WDR37: variants seen among roughly 807,000 people sequenced by gnomAD.
WDR37 encodes WD repeat-containing protein 37.
Under a neutral mutation model 62.9 loss-of-function variants are expected in WDR37, and 19 were observed. The ratio of observed to expected loss-of-function variants is 0.30; its 90% CI spans 0.21 to 0.44. The LOEUF (loss-of-function observed/expected upper bound fraction) is 0.44. WDR37 is among the 20% of genes least tolerant of loss of function. The pLI, the probability that WDR37 is intolerant of heterozygous loss-of-function variation, is 1.00. For synonymous variants in WDR37, 250 were observed against 260.9 expected (o/e 0.96, Z 0.40); for missense variants, 474 against 657.6 (o/e 0.72, Z 3.05).
intron 1 of WDR37, among the ~76,000 whole-genome samples, chr10:1,069,385 ATATATTTT>A (rs1241177378): frequency 1.1e-4 from 3 of 28,460 alleles, no homozygotes; most frequent in East Asian, 1.1e-3. Flanking sequence ...ATATATATAT[ATATATTTT>A]TTTTTTTTTT....
intron 11 of WDR37, among the ~76,000 whole-genome samples, chr10:1,110,148 C>T (rs776150564): frequency 2.4e-4 from 36 of 152,148 alleles, no homozygotes; most frequent in Non-Finnish European, 7.4e-5. Context: ...CTCTCTTTGG[C>T]GCTAATTTTG....
At chr10:1,111,451 G>C (rs182001224) in intron 11 of WDR37, among the ~76,000 whole-genome samples, 1 of 152,172 alleles carries the variant, frequency 6.6e-6, no homozygotes, top group East Asian at 1.9e-4. Flanking sequence ...CTTTTTGAAA[G>C]ACTGGAGTTT....
intron 1 of WDR37, among the ~76,000 whole-genome samples, chr10:1,060,848 A>G (rs1016905329): frequency 6.6e-6 from 1 of 152,202 alleles, no homozygotes; most frequent in African/African-American, 2.4e-5. Flanking sequence ...ACAAATAGAT[A>G]CCATTGTGTT....
Position 1,069,389 on chromosome 10 carries a change from A to ATTTTTTTTTTTTTTTTT in WDR37, c.-40-2725_-40-2709dup, listed in dbSNP as rs377212232. On this transcript the variant is annotated intron_variant, in intron 1 of 13. Coordinates refer to ENST00000263150, the MANE Select transcript of WDR37 (RefSeq NM_014023.4). Reference sequence around the variant, plus strand: ...GGAAAGAATATATATATATATATATATTTTTTTTTTTTTTTTTTGCAGCAG... The same window carrying ATTTTTTTTTTTTTTTTT: ...GGAAAGAATATATATATATATATATATTTTTTTTTTTTTTTTTTTTTTTTTTTTTTTTTTTGCAGCAG... 4.5e-4 allele frequency among the ~76,000 whole-genome samples: 43 copies of ATTTTTTTTTTTTTTTTT among 95,772 alleles called. 3 individuals are homozygous for ATTTTTTTTTTTTTTTTT. The highest frequency in any genetic ancestry group is 5.7e-4 in the Non-Finnish European group (30 of 52,576). The allele number at this position is 95,772 out of a possible 152,430, so 62.8% of individuals were successfully genotyped here.
At chr10:1,104,501 C>T (rs1834939844) in intron 10 of WDR37, among the ~76,000 whole-genome samples, 1 of 152,262 alleles carries the variant, frequency 6.6e-6, no homozygotes, top group Non-Finnish European at 1.5e-5. Context: ...CTAGGCCAGA[C>T]CACCCAGGAC....
rs745897860 is a variant in WDR37 at position 1,129,204 on chromosome 10, C to A, written c.1354-9C>A. 1 of 1,609,934 alleles carries A rather than the reference C, an allele frequency of 6.2e-7. No homozygotes were observed. Among genetic ancestry groups the A allele is most frequent in the South Asian group, 1.1e-5 (1 of 90,528 alleles). On this transcript the variant is annotated splice_polypyrimidine_tract_variant and intron_variant, in intron 13 of 13. Transcript: ENST00000263150. The stretch of plus-strand genomic sequence containing the variant: ...ATGCACTGATTTTGGTTTGTTTGAT[C>A]ATCACTAGGGCCACAGGAGAATGGT...
At chr10:1,073,559 G>A (rs1378013130) in intron 2 of WDR37, among the ~76,000 whole-genome samples, 5 of 152,158 alleles carry the variant, frequency 3.3e-5, no homozygotes, top group Admixed American at 6.5e-5. Flanking sequence ...TACAAAAATA[G>A]CTTTGGTATT....
At chr10:1,068,534 C>A (rs1319948302) in intron 1 of WDR37, among the ~76,000 whole-genome samples, 1 of 151,896 alleles carries the variant, frequency 6.6e-6, no homozygotes, top group Non-Finnish European at 1.5e-5. Flanking sequence ...GTGTTGTATA[C>A]CTGGCACAAA....
At chr10:1,095,151 TGAG>T (rs1177252717) in intron 8 of WDR37, among the ~76,000 whole-genome samples, 2 of 111,046 alleles carry the variant, frequency 1.8e-5, no homozygotes, top group African/African-American at 7.2e-5. Flanking sequence ...CTGGGAAAGA[TGAG>T]GTAATGAACA....
At chr10:1,108,212 T>A (rs914943556) in intron 11 of WDR37, among the ~76,000 whole-genome samples, 16 of 152,274 alleles carry the variant, frequency 1.1e-4, no homozygotes, top group African/African-American at 3.9e-4. Context: ...CCAAAATGTC[T>A]TTGATACTTT....
chr10:1,126,435 C>T (rs568991699), intron 13 of WDR37, among the ~76,000 whole-genome samples: 8 of 152,016 alleles, frequency 5.3e-5, no homozygotes, highest in South Asian at 4.2e-4. Flanking sequence ...TCCCCGTGGT[C>T]GAGGCAGCGT....
At chr10:1,067,019 C>T (rs1189962119) in intron 1 of WDR37, among the ~76,000 whole-genome samples, 1 of 152,226 alleles carries the variant, frequency 6.6e-6, no homozygotes, top group Non-Finnish European at 1.5e-5. Flanking sequence ...CCTCCCACAA[C>T]ACATTGGAAT....
At chr10:1,129,178 A>T in intron 13 of WDR37, 35 bp from the exon 14 acceptor site, 1 of 1,605,732 alleles carries the variant, frequency 6.2e-7, no homozygotes, top group Non-Finnish European at 8.5e-7. Context: ...TTTCGGGAAT[A>T]ATGCACTGAT....
intron 9 of WDR37, among the ~76,000 whole-genome samples, chr10:1,097,926 A>C (rs1180782893): frequency 2.0e-5 from 3 of 151,896 alleles, no homozygotes; most frequent in Non-Finnish European, 4.4e-5. Context: ...GGCGAATCGC[A>C]CTCTGAGTCC....
At chr10:1,116,128 G>A (rs1835386971) in intron 11 of WDR37, among the ~76,000 whole-genome samples, 2 of 152,150 alleles carry the variant, frequency 1.3e-5, no homozygotes, top group South Asian at 2.1e-4. Context: ...CACGCACCAG[G>A]CAACCTCCCG....
chr10:1,128,167 C>T lies in WDR37; in HGVS notation c.1354-1046C>T, dbSNP rs569631422. 6.6e-5 allele frequency among the ~76,000 whole-genome samples: 10 copies of T among 152,264 alleles called. No homozygotes were observed. In the South Asian group the frequency reaches 1.9e-3, roughly 28 times the overall value. ...GTTCTCTCTCCAGATGTATAAATAG[C>T]ATATTTATGGGGGAATATTTTCAGG... is the stretch of plus-strand genomic sequence containing the variant. On this transcript the variant is annotated intron_variant, in intron 13 of 13. Transcript: ENST00000263150.
intron 2 of WDR37, among the ~76,000 whole-genome samples, chr10:1,077,285 C>T (rs890885628): frequency 6.6e-6 from 1 of 152,246 alleles, no homozygotes; most frequent in East Asian, 1.9e-4. Flanking sequence ...CCCAGGGGTG[C>T]GGGAAACACA....
intron 1 of WDR37, among the ~76,000 whole-genome samples, chr10:1,062,720 C>T (rs953061520): frequency 1.3e-5 from 2 of 152,174 alleles, no homozygotes; most frequent in African/African-American, 2.4e-5. Flanking sequence ...TTTCTGCTTG[C>T]GGAAAGATGG....
At chr10:1,108,744 C>G (rs1461691380) in intron 11 of WDR37, among the ~76,000 whole-genome samples, 1 of 137,796 alleles carries the variant, frequency 7.3e-6, no homozygotes, top group African/African-American at 2.8e-5. Flanking sequence ...GTGATGCCCC[C>G]CCCCCCCGTG....
Sources: allele counts gnomAD v4.1 joint callset (sites outside exome capture counted in the v4.1 genomes callset), GRCh38; gene constraint gnomAD v4.1.1; transcripts MANE v1.5; gene names NCBI Gene and HGNC (gene_info 2026-07-23, HGNC 2026-07-21).